Variants in RC3H1 observed in about 807,000 individuals in gnomAD.
The protein encoded by RC3H1 is roquin-1.
A neutral mutation model predicts 138.2 loss-of-function variants in RC3H1; 50 were observed. That is an observed-to-expected ratio of 0.36 (90% CI 0.29 to 0.46). The LOEUF is 0.46. Among genes scored for constraint, RC3H1 ranks in the 20% least tolerant of loss-of-function variants. RC3H1 has a pLI of 1.00. For synonymous variants in RC3H1, 462 were observed against 489.1 expected (o/e 0.94, Z 0.73); for missense variants, 1,031 against 1,388.1 (o/e 0.74, Z 4.09).
chr1:174,013,386 G>A (rs977374849), intron 1 of RC3H1, among the ~76,000 whole-genome samples: 3 of 151,576 alleles, frequency 2.0e-5, no homozygotes. Context: ...GTGAGACGGA[G>A]GAATTAAATT....
At position 173,932,003 on chromosome 1, in the gene RC3H1, T is replaced by C. The variant is rs1658398849; in HGVS notation, c.*6718A>G. ...AAAAATGCAAGAAAACTTTAAAAAA[T>C]GGTAAGTCTACCACTGATTTATAAG... On this transcript the variant is annotated 3_prime_UTR_variant, in exon 20 of 20. Transcript: ENST00000367696. 6.6e-6 allele frequency: 1 copy of C among 151,956 alleles called. No homozygotes were observed. Among genetic ancestry groups the C allele is most frequent in the Non-Finnish European group, 1.5e-5 (1 of 67,974 alleles). 9.4% of individuals were successfully genotyped at this position (151,956 alleles called of 1,614,324 possible).
At position 173,964,078 on chromosome 1, in the gene RC3H1, T is replaced by C. The variant is rs1332605295; in HGVS notation, c.1726A>G (p.Met576Val). Residue 576 changes from methionine (M) to valine (V), a missense_variant, in exon 11 of 20, where the codon ATG (methionine) becomes GTG (valine). Physicochemically the swap from Met to Val is conservative, Grantham distance 21. This residue lies in a region of RC3H1 where 716 missense variants were observed against 837.9 expected (regional missense o/e 0.85). Transcript: ENST00000367696. ...PPMPVTKPLQ[M>V]VPRGSQLYPA... ...TATAACTGAGAACCTCGAGGTACCATCTGAAGTGGTTTGGTAACAGGCATT... is the reference window on the plus strand; with the variant it reads ...TATAACTGAGAACCTCGAGGTACCACCTGAAGTGGTTTGGTAACAGGCATT... 2 of 1,614,106 alleles carry C rather than the reference T, an allele frequency of 1.2e-6. No homozygotes were observed.
At chr1:173,978,224 G>T (rs1660664634) in intron 7 of RC3H1, among the ~76,000 whole-genome samples, 1 of 152,032 alleles carries the variant, frequency 6.6e-6, no homozygotes, top group African/African-American at 2.4e-5. Flanking sequence ...TGTGACGGGA[G>T]AAAGAAGAAA....
rs1413296017 is a variant in RC3H1, at chr1:173,936,871, C to T, written c.*1850G>A. On this transcript the variant is annotated 3_prime_UTR_variant, in exon 20 of 20. Transcript: ENST00000367696. Reference sequence around the variant, plus strand: ...ACCACCTCCCAATCGGTCAATTTATCGCAACAGCTGCGCTCATGCGAAAAA... The same window carrying T: ...ACCACCTCCCAATCGGTCAATTTATTGCAACAGCTGCGCTCATGCGAAAAA... 3 of 143,868 alleles carry T rather than the reference C, an allele frequency of 2.1e-5. No homozygotes were observed. The highest frequency in any genetic ancestry group is 2.0e-4 in the East Asian group (1 of 5,036). 8.9% of individuals were successfully genotyped at this position (143,868 alleles called of 1,614,324 possible). A position where few individuals can be genotyped will look rare whatever the true frequency, so the allele number is the denominator to read the frequency against.
In RC3H1 at chr1:173,980,951, T is replaced by C. The variant is rs1284341672; in HGVS notation, c.827A>G (p.Tyr276Cys). ...GTCATGTTCTCGCCGCAGAGCTTCA[T>C]AGGTTCTAAATTCTTCTTTCAGCTG... ...LMQLKEEFRT[Y>C]EALRREHDSQ... Residue 276 changes from tyrosine to cysteine, a missense_variant, in exon 6 of 20, where the codon TAT becomes TGT. Around this residue, in one of 7 missense-constraint regions of RC3H1, gnomAD observed 142 missense variants for 224.6 expected, o/e 0.63. Coordinates refer to ENST00000367696, the MANE Select transcript of RC3H1 (RefSeq NM_172071.4). 2 of 1,614,004 alleles carry C rather than the reference T, an allele frequency of 1.2e-6. No individual in the cohort carries two copies. Among genetic ancestry groups the C allele is most frequent in the East Asian group, 2.2e-5 (1 of 44,880 alleles).
chr1:174,011,345 T>G (rs912882654), intron 1 of RC3H1, among the ~76,000 whole-genome samples: 1 of 152,234 alleles, frequency 6.6e-6, no homozygotes, highest in East Asian at 1.9e-4. Context: ...AGAGGCTAGA[T>G]TCAAGCAAAG....
Position 173,932,219 on chromosome 1 carries a change from TA to T in RC3H1, c.*6501del, listed in dbSNP as rs1658409427. The T allele has an allele frequency of 1.3e-5, 2 of 150,658 alleles. No individual in the cohort carries two copies. Among genetic ancestry groups the T allele is most frequent in the African/African-American group, 4.9e-5 (2 of 41,020 alleles). The allele number at this position is 150,658 out of a possible 1,614,324, so 9.3% of individuals were successfully genotyped here. On this transcript the variant is annotated 3_prime_UTR_variant, in exon 20 of 20. Coordinates refer to ENST00000367696, the MANE Select transcript of RC3H1 (RefSeq NM_172071.4). The stretch of plus-strand genomic sequence containing the variant: ...ATCCCAAGCAAATATGCACCAATGT[TA>T]AAAAGTTATTTTTTTAAAAAAAACA...
intron 8 of RC3H1, among the ~76,000 whole-genome samples, chr1:173,971,197 A>T (rs927832332): frequency 1.3e-5 from 2 of 151,992 alleles, no homozygotes; most frequent in Non-Finnish European, 2.9e-5. Flanking sequence ...CCTGACCTCA[A>T]ATGATCCGCC....
chr1:173,972,844 A>G (rs1282812165), intron 7 of RC3H1, among the ~76,000 whole-genome samples: 3 of 152,226 alleles, frequency 2.0e-5, no homozygotes, highest in Non-Finnish European at 2.9e-5. Flanking sequence ...AGGAACAAGA[A>G]AGGTAACATG....
intron 1 of RC3H1, among the ~76,000 whole-genome samples, chr1:173,998,829 C>T (rs1661509623): frequency 6.6e-6 from 1 of 152,108 alleles, no homozygotes; most frequent in African/African-American, 2.4e-5. Context: ...CTGTGGTTCA[C>T]GCCTGCAATC....
At chr1:173,991,004 TG>T (rs1223263603) in intron 2 of RC3H1, among the ~76,000 whole-genome samples, 1 of 151,974 alleles carries the variant, frequency 6.6e-6, no homozygotes, top group Non-Finnish European at 1.5e-5. Context: ...TCGAGACAGG[TG>T]GATCACTTGA....
chr1:173,965,688 G>A (rs1660086552), intron 9 of RC3H1, among the ~76,000 whole-genome samples: 1 of 152,172 alleles, frequency 6.6e-6, no homozygotes, highest in Non-Finnish European at 1.5e-5. Flanking sequence ...ACTTATTGGA[G>A]AAGCTAGTAG....
chr1:173,970,384 G>T, intron 9 of RC3H1, 121 bp downstream of exon 9: 1 of 739,762 alleles, frequency 1.4e-6, no homozygotes, highest in Non-Finnish European at 2.3e-6. Flanking sequence ...TTCAAGCTGT[G>T]TTACATTCTA....
Position 173,937,930 on chromosome 1 carries a change from T to C in RC3H1, c.*791A>G, listed in dbSNP as rs1312847861. 1 of 152,206 alleles carries C rather than the reference T, an allele frequency of 6.6e-6. No homozygotes were observed. Among genetic ancestry groups the C allele is most frequent in the Non-Finnish European group, 1.5e-5 (1 of 68,030 alleles). 9.4% of individuals were successfully genotyped at this position (152,206 alleles called of 1,614,324 possible). ...AGTTAATTCTTGATCAACATTTAAATCTAATTAAACACTGAATCAGCTTTC... is the reference window on the plus strand; with the variant it reads ...AGTTAATTCTTGATCAACATTTAAACCTAATTAAACACTGAATCAGCTTTC... On this transcript the variant is annotated 3_prime_UTR_variant, in exon 20 of 20. Coordinates refer to ENST00000367696, the MANE Select transcript of RC3H1 (RefSeq NM_172071.4).
At chr1:173,981,040 G>A (rs747561854) in intron 5 of RC3H1, 31 bp from the exon 6 acceptor site, 8 of 1,581,756 alleles carry the variant, frequency 5.1e-6, no homozygotes, top group Admixed American at 3.5e-5. Flanking sequence ...TCATAATGAA[G>A]TCAAAAAAAT....
chr1:173,953,008 G>A (rs965811032), intron 13 of RC3H1, among the ~76,000 whole-genome samples: 2 of 151,920 alleles, frequency 1.3e-5, no homozygotes, highest in Admixed American at 6.6e-5. Context: ...CATTTGTATT[G>A]GTTCATTTAA....
rs1658627604 is a variant in RC3H1 at position 173,936,875 on chromosome 1, A to G, written c.*1846T>C. 6.9e-6 allele frequency: 1 copy of G among 145,392 alleles called. No homozygotes were observed. Among genetic ancestry groups the G allele is most frequent in the Non-Finnish European group, 1.5e-5 (1 of 66,476 alleles). 9.0% of individuals were successfully genotyped at this position (145,392 alleles called of 1,614,324 possible). On this transcript the variant is annotated 3_prime_UTR_variant, in exon 20 of 20. Transcript: ENST00000367696. ...CCTCCCAATCGGTCAATTTATCGCA[A>G]CAGCTGCGCTCATGCGAAAAAATCC...
In RC3H1 at chr1:173,936,644, C is replaced by A. The variant is rs1448082904; in HGVS notation, c.*2077G>T. On this transcript the variant is annotated 3_prime_UTR_variant, in exon 20 of 20. Transcript: ENST00000367696. Reference sequence around the variant, plus strand: ...AAGTTTCTTTCCTTCTCCCAATAAACAATAGGCATTTAAAGTGGAAATGTA... The same window carrying A: ...AAGTTTCTTTCCTTCTCCCAATAAAAAATAGGCATTTAAAGTGGAAATGTA... 8.0e-6 allele frequency: 1 copy of A among 124,442 alleles called. No homozygotes were observed. The highest frequency in any genetic ancestry group is 3.1e-5 in the African/African-American group (1 of 32,378). The allele number at this position is 124,442 out of a possible 1,614,324, so 7.7% of individuals were successfully genotyped here.
At chr1:173,962,933 GACA>G (rs1432294899) in intron 11 of RC3H1, among the ~76,000 whole-genome samples, 1 of 152,096 alleles carries the variant, frequency 6.6e-6, no homozygotes, top group Non-Finnish European at 1.5e-5. Context: ...ATGTAGAGAA[GACA>G]ACATGATTCA....
Sources: gnomAD v4.1 joint callset for allele counts (sites outside exome capture counted in the v4.1 genomes callset) on GRCh38, gnomAD v4.1.1 for gene constraint, gnomAD v4.1.1 regional missense constraint, MANE v1.5 for transcripts, NCBI Gene and HGNC (gene_info 2026-07-23, HGNC 2026-07-21) for gene names.